Variants in PCID2 observed in about 807,000 individuals in gnomAD.
The protein encoded by PCID2 is PCI domain containing 2.
A neutral mutation model predicts 61.3 loss-of-function variants in PCID2; 41 were observed. The observed-to-expected ratio is 0.67, with a 90% confidence interval of 0.52 to 0.87. The LOEUF is 0.87. Among genes scored for constraint, PCID2 ranks in the 40% least tolerant of loss-of-function variants. The pLI, the probability that PCID2 is intolerant of heterozygous loss-of-function variation, is 0.00. For synonymous variants in PCID2, 187 were observed against 177.8 expected (o/e 1.05, Z -0.41); for missense variants, 392 against 493.4 (o/e 0.79, Z 1.95).
the PCID2 span, among the ~76,000 whole-genome samples, chr13:113,167,387 T>C: frequency 6.6e-6 from 1 of 152,220 alleles, no homozygotes; most frequent in Non-Finnish European, 1.5e-5. Flanking sequence ...GGAAAAACAC[T>C]TTCTCACTTG....
At chr13:113,167,579 G>C in the PCID2 span, among the ~76,000 whole-genome samples, 4,885 of 152,244 alleles carry the variant, frequency 0.032, 112 homozygotes, top group Middle Eastern at 0.092. Context: ...TATTGATATA[G>C]ACACTTTACT....
the PCID2 span, among the ~76,000 whole-genome samples, chr13:113,168,196 C>T: frequency 6.6e-6 from 1 of 152,202 alleles, no homozygotes. Context: ...GGAAAAAAAC[C>T]TTACATATAT....
At chr13:113,183,829 G>A (rs1231324964) in intron 9 of PCID2, 68 of 984,934 alleles carry the variant, frequency 6.9e-5, no homozygotes, top group Non-Finnish European at 7.8e-5. Context: ...GCAGCGACAC[G>A]CCGTGCGAGG....
At chr13:113,198,313 A>T (rs2138887232) in intron 2 of PCID2, 49 bp from the exon 3 acceptor site, 1 of 1,106,354 alleles carries the variant, frequency 9.0e-7, no homozygotes, top group South Asian at 1.3e-5. Flanking sequence ...TAGGCACAGA[A>T]AGAATGCAAC....
chr13:113,195,236 A>G (rs921032929), intron 5 of PCID2, 111 bp from the exon 6 acceptor site: 4 of 732,658 alleles, frequency 5.5e-6, no homozygotes, highest in Non-Finnish European at 1.0e-5. Context: ...TGGAGTCCGC[A>G]CTTATCCAAA....
chr13:113,190,995 T>TCA lies in PCID2; in HGVS notation c.364-21_364-20insTG, dbSNP rs1170923356. On this transcript the variant is annotated intron_variant, in intron 6 of 13. Coordinates refer to ENST00000337344, the MANE Select transcript of PCID2 (RefSeq NM_001127202.4). ...ATCTGCCTAATAAAATATAAGAACTTTTATTTCATTTTTCCGAAGCAAGAT... is the reference window on the plus strand; with the variant it reads ...ATCTGCCTAATAAAATATAAGAACTTCATTATTTCATTTTTCCGAAGCAAGAT... The TCA allele has an allele frequency of 1.9e-6, 3 of 1,561,480 alleles. No homozygotes were observed. Among genetic ancestry groups the TCA allele is most frequent in the African/African-American group, 1.4e-5 (1 of 73,558 alleles).
chr13:113,171,872 G>C, the PCID2 span: 1 of 1,613,706 alleles, frequency 6.2e-7, no homozygotes, highest in South Asian at 1.1e-5. The surrounding 1 kb of genome is among the most constrained non-coding windows in gnomAD (Gnocchi z 5.1). Flanking sequence ...ACTTGTGGAG[G>C]GGGAGGAGTG....
At chr13:113,208,207 C>T in intron 1 of PCID2, 1 of 1,542,392 alleles carries the variant, frequency 6.5e-7, no homozygotes, top group Non-Finnish European at 8.7e-7. Context: ...ATCCCGCATC[C>T]TGCTGGGAAA....
chr13:113,166,272 A>T, the PCID2 span: 8 of 152,252 alleles, frequency 5.3e-5, no homozygotes, highest in Admixed American at 4.6e-4. Context: ...CCATGTAATG[A>T]ATATAAACAT....
intron 7 of PCID2, chr13:113,188,169 C>G (rs1355932639): frequency 6.6e-6 from 1 of 152,258 alleles, no homozygotes; most frequent in Non-Finnish European, 1.5e-5. Flanking sequence ...AGGCGGAAAC[C>G]TTTAAATGAG....
At chr13:113,208,260 C>G in intron 1 of PCID2, 1 of 1,446,132 alleles carries the variant, frequency 6.9e-7, no homozygotes, top group East Asian at 2.5e-5. Flanking sequence ...GGGCCCTCGG[C>G]GTGGCCCGCA....
At position 113,178,989 on chromosome 13, in the gene PCID2, T is replaced by C. The variant is rs2037366273; in HGVS notation, c.1087A>G (p.Ile363Val). 2.5e-6 allele frequency: 4 copies of C among 1,613,678 alleles called. No individual in the cohort carries two copies. The highest frequency in any genetic ancestry group is 2.2e-5 in the East Asian group (1 of 44,884). ...ACCATGTATATCAAGTTAGCCAGAA[T>C]ACACTGAACTTCGTCAATGTCCACG... is the stretch of plus-strand genomic sequence containing the variant. The part of the protein sequence containing the change: ...EDVDIDEVQC[I>V]LANLIYMGHV... Residue 363 changes from isoleucine to valine, a missense_variant, in exon 13 of 14, where the codon ATT (isoleucine) becomes GTT (valine). By Grantham distance (29) the Ile-to-Val change is conservative. This residue lies in a region of PCID2 where 226 missense variants were observed against 296.5 expected (regional missense o/e 0.76). Transcript: ENST00000337344.
At chr13:113,190,290 A>G (rs2038503608) in intron 7 of PCID2, among the ~76,000 whole-genome samples, 1 of 152,068 alleles carries the variant, frequency 6.6e-6, no homozygotes. Context: ...TGCCAATGAT[A>G]AAGAGAAAAT....
chr13:113,190,689 TC>T, intron 7 of PCID2, 182 bp downstream of exon 7: 1 of 441,774 alleles, frequency 2.3e-6, no homozygotes. Flanking sequence ...CTTTTTTCCC[TC>T]AGCTCTTATT....
chr13:113,171,773 C>T, the PCID2 span: 1,216 of 1,612,654 alleles, frequency 7.5e-4, 12 homozygotes, highest in African/African-American at 0.014. This position sits in a 1 kb window ranked among gnomAD's most constrained non-coding sequence, Gnocchi z 5.1. Flanking sequence ...CGCTGAGCAC[C>T]TCCTCATCCC....
intron 1 of PCID2, chr13:113,208,307 C>G: frequency 7.0e-7 from 1 of 1,431,588 alleles, no homozygotes; most frequent in South Asian, 1.5e-5. Flanking sequence ...GCCACACGTG[C>G]CAGCAAGTGA....
chr13:113,172,327 T>A, the PCID2 span: 1 of 599,664 alleles, frequency 1.7e-6, no homozygotes, highest in Non-Finnish European at 2.9e-6. Flanking sequence ...ATAGAGACCT[T>A]AAAAGAAAAC....
At chr13:113,195,859 T>C (rs926489744) in intron 5 of PCID2, among the ~76,000 whole-genome samples, 1 of 152,186 alleles carries the variant, frequency 6.6e-6, no homozygotes, top group African/African-American at 2.4e-5. Flanking sequence ...ACCTCTTTTA[T>C]CTAAGGTTTA....
intron 7 of PCID2, among the ~76,000 whole-genome samples, chr13:113,190,010 A>C (rs1237000697): frequency 3.4e-5 from 1 of 29,768 alleles, no homozygotes; most frequent in Non-Finnish European, 1.4e-4. Flanking sequence ...GCGACAGAGC[A>C]AGAGTCTTGT....
Sources: gnomAD v4.1 joint callset for allele counts (sites outside exome capture counted in the v4.1 genomes callset) on GRCh38, gnomAD v4.1.1 for gene constraint, gnomAD v4.1.1 regional missense constraint, Gnocchi (gnomAD v3.1) non-coding constraint, MANE v1.5 for transcripts, NCBI Gene and HGNC (gene_info 2026-07-23, HGNC 2026-07-21) for gene names.